The following PRAG1 variants were observed in gnomAD, a reference collection of about 807,000 sequenced individuals.
PRAG1 encodes inactive tyrosine-protein kinase PRAG1.
A neutral mutation model predicts 95.6 loss-of-function variants in PRAG1; 110 were observed. The observed-to-expected ratio is 1.15, with a 90% CI of 0.99 to 1.35. The LOEUF (loss-of-function observed/expected upper bound fraction) is 1.35. Among genes scored for constraint, PRAG1 ranks in the 40% most tolerant of loss-of-function variants. The probability of loss-of-function intolerance (pLI) is 0.00; values close to 1 mark genes in which losing one functional copy is unlikely to be tolerated. For synonymous variants in PRAG1, 1,052 were observed against 819.4 expected (o/e 1.28, Z -4.85); for missense variants, 2,554 against 1,864.7 (o/e 1.37, Z -6.81).
At position 8,376,696 on chromosome 8, in the gene PRAG1, A is replaced by T. The variant is rs1237976886; in HGVS notation, c.1713T>A (p.Ala571=). ...SAGGPPVSPL[A]DLSDGSSGGS... Reference sequence around the variant, plus strand: ...CGCCAGAGCTCCCATCACTAAGGTCAGCCAGCGGTGACACTGGGGGCCCTC... The same window carrying T: ...CGCCAGAGCTCCCATCACTAAGGTCTGCCAGCGGTGACACTGGGGGCCCTC... Residue 571 remains alanine (A), a synonymous_variant, in exon 3 of 6, where the codon GCT becomes GCA. Transcript: ENST00000615670. 3.1e-6 allele frequency: 5 copies of T among 1,611,540 alleles called. No individual in the cohort carries two copies. The East Asian group carries it at 1.1e-4, about 36-fold the overall frequency.
chr8:8,373,280 C>T (rs1261611944), intron 3 of PRAG1, among the ~76,000 whole-genome samples: 1 of 152,160 alleles, frequency 6.6e-6, no homozygotes, highest in Non-Finnish European at 1.5e-5. Context: ...TAAAAGTCAG[C>T]ATATGTTCCC....
chr8:8,335,376 G>T (rs1798953456), intron 4 of PRAG1, among the ~76,000 whole-genome samples: 1 of 152,044 alleles, frequency 6.6e-6, no homozygotes, highest in Admixed American at 6.6e-5. Context: ...CATTTGAAAG[G>T]CCCCAAGATA....
chr8:8,371,391 G>A (rs1040633403), intron 3 of PRAG1, among the ~76,000 whole-genome samples: 2 of 151,780 alleles, frequency 1.3e-5, no homozygotes, highest in Non-Finnish European at 2.9e-5. Flanking sequence ...CTCCCGAGTA[G>A]CTGGGACTAC....
intron 3 of PRAG1, among the ~76,000 whole-genome samples, chr8:8,353,869 G>A (rs576662855): frequency 9.2e-5 from 14 of 151,876 alleles, no homozygotes; most frequent in Non-Finnish European, 2.1e-4. Context: ...TAGTAGTAGT[G>A]GTAGTAGTAG....
In PRAG1 at chr8:8,328,363, T is replaced by C; in HGVS notation, c.2419A>G (p.Ser807Gly). Residue 807 changes from serine (S) to glycine (G), a missense_variant, in exon 5 of 6, where the codon AGT (serine) becomes GGT (glycine). By Grantham distance (56) the Ser-to-Gly change is moderately conservative. Transcript: ENST00000615670. Reference protein sequence around the residue: ...PSGSTEDVSPSGPQQPPPLPQ... With the variant: ...PSGSTEDVSPGGPQQPPPLPQ... ...AGTGGAGGGGGCTGCTGGGGGCCAC[T>C]GGGGGACACGTCCTCAGTGGAGCCT... The C allele has an allele frequency of 6.2e-7, 1 of 1,607,264 alleles. No homozygotes were observed. The highest frequency in any genetic ancestry group is 8.5e-7 in the Non-Finnish European group (1 of 1,175,796).
Position 8,376,588 on chromosome 8 carries a change from A to C in PRAG1, c.1821T>G (p.Ser607Arg). ...CAGGCTGGGGACACCTGGATGGGTC[A>C]CTGATAGCGACACCGTTGGTCCGGC... Reference protein sequence around the residue: ...PSCRTNGVAISDPSRCPQPAA... With the variant: ...PSCRTNGVAIRDPSRCPQPAA... The change falls in exon 3 of 6, where the codon AGT (serine) becomes AGG (arginine). Residue 607 changes from serine to arginine, a missense_variant. Physicochemically the swap from Ser to Arg is moderately radical, Grantham distance 110. Transcript: ENST00000615670. 6.2e-7 allele frequency: 1 copy of C among 1,604,632 alleles called. No individual in the cohort carries two copies. Among genetic ancestry groups the C allele is most frequent in the South Asian group, 1.1e-5 (1 of 89,924 alleles).
intron 3 of PRAG1, among the ~76,000 whole-genome samples, chr8:8,370,140 T>C (rs1800144278): frequency 1.3e-5 from 2 of 152,252 alleles, no homozygotes; most frequent in Non-Finnish European, 2.9e-5. Context: ...TACATACTGC[T>C]GTCAAATCAG....
intron 4 of PRAG1, among the ~76,000 whole-genome samples, chr8:8,334,289 T>G (rs1317200294): frequency 1.3e-5 from 2 of 151,852 alleles, no homozygotes; most frequent in South Asian, 2.1e-4. Flanking sequence ...ATACAAAAAT[T>G]AGCTGGGCAT....
intron 3 of PRAG1, among the ~76,000 whole-genome samples, chr8:8,354,710 A>G (rs1799632377): frequency 6.6e-6 from 1 of 152,224 alleles, no homozygotes; most frequent in Non-Finnish European, 1.5e-5. Flanking sequence ...AAAGCATTTG[A>G]CAAGGTACAG....
chr8:8,352,776 T>A (rs965559601), intron 3 of PRAG1, among the ~76,000 whole-genome samples: 1 of 152,232 alleles, frequency 6.6e-6, no homozygotes, highest in African/African-American at 2.4e-5. Flanking sequence ...TTGTTTTATA[T>A]CTTGAGTTTT....
intron 3 of PRAG1, among the ~76,000 whole-genome samples, chr8:8,363,802 A>T (rs1453512919): frequency 6.6e-6 from 1 of 152,204 alleles, no homozygotes; most frequent in East Asian, 1.9e-4. Flanking sequence ...AAACAGACAT[A>T]GTGTTATTTT....
At position 8,377,963 on chromosome 8, in the gene PRAG1, G is replaced by C. The variant is rs1800487415; in HGVS notation, c.446C>G (p.Pro149Arg). 2.5e-6 allele frequency: 4 copies of C among 1,613,794 alleles called. No homozygotes were observed. The highest frequency in any genetic ancestry group is 2.2e-5 in the East Asian group (1 of 44,880). Reference sequence around the variant, plus strand: ...TGGGGGACAGCGAGAATTGCCATCAGGGGAGGTAGAGGGACCAGCAGGCTT... The same window carrying C: ...TGGGGGACAGCGAGAATTGCCATCACGGGAGGTAGAGGGACCAGCAGGCTT... Reference protein sequence around the residue: ...VQKPAGPSTSPDGNSRCPPAY... With the variant: ...VQKPAGPSTSRDGNSRCPPAY... The change falls in exon 3 of 6, where the codon CCT (proline) becomes CGT (arginine). Residue 149 changes from proline (P) to arginine (R), a missense_variant. Physicochemically the swap from Pro to Arg is moderately radical, Grantham distance 103. Coordinates refer to ENST00000615670, the MANE Select transcript of PRAG1 (RefSeq NM_001080826.3).
intron 5 of PRAG1, among the ~76,000 whole-genome samples, chr8:8,326,146 G>C (rs1798631437): frequency 6.8e-6 from 1 of 146,440 alleles, no homozygotes; most frequent in Non-Finnish European, 1.5e-5. Context: ...ATAATATTCA[G>C]TATATATAAA....
chr8:8,338,921 T>G (rs1224042757), intron 4 of PRAG1, among the ~76,000 whole-genome samples: 1 of 152,176 alleles, frequency 6.6e-6, no homozygotes, highest in East Asian at 1.9e-4. Flanking sequence ...CAAGAGTTCC[T>G]TTTTAGGGAC....
chr8:8,345,086 TG>T, intron 3 of PRAG1, among the ~76,000 whole-genome samples: 1 of 150,170 alleles, frequency 6.7e-6, no homozygotes, highest in Admixed American at 6.6e-5. Flanking sequence ...TGTGTGTGTG[TG>T]TGTGTTAGGG....
Position 8,381,665 on chromosome 8 carries a change from C to A in PRAG1, c.83G>T (p.Gly28Val), listed in dbSNP as rs1800676187. The A allele has an allele frequency of 6.2e-7, 1 of 1,613,640 alleles. No homozygotes were observed. The highest frequency in any genetic ancestry group is 8.5e-7 in the Non-Finnish European group (1 of 1,179,788). ...SDFVEHIWKP[G>V]SCKNCFCLRS... is the part of the protein sequence containing the mutation. The stretch of plus-strand genomic sequence containing the variant: ...CAGGCAGAAGCAGTTCTTGCAGGAC[C>A]CGGGTTTCCAGATGTGCTCCACAAA... The change falls in exon 2 of 6, where the codon GGG becomes GTG. Residue 28 changes from glycine to valine, a missense_variant. Physicochemically the swap from Gly to Val is moderately radical, Grantham distance 109 (BLOSUM62 -3). Coordinates refer to ENST00000615670, the MANE Select transcript of PRAG1 (RefSeq NM_001080826.3).
In PRAG1 at chr8:8,318,759, C is replaced by T. The variant is rs1464306159; in HGVS notation, c.3616G>A (p.Glu1206Lys). 18 of 1,585,900 alleles carry T rather than the reference C, an allele frequency of 1.1e-5. No homozygotes were observed. The highest frequency in any genetic ancestry group is 1.3e-5 in the Non-Finnish European group (15 of 1,165,464). The change falls in exon 6 of 6, where the codon GAG becomes AAG. Residue 1206 changes from glutamate to lysine, a missense_variant. By Grantham distance (56) the Glu-to-Lys change is moderately conservative. Coordinates refer to ENST00000615670, the MANE Select transcript of PRAG1 (RefSeq NM_001080826.3). This position sits in a 1 kb window ranked among gnomAD's most constrained non-coding sequence, Gnocchi z 4.2. The part of the protein sequence containing the change: ...AGPASPEGPR[E>K]KQLPRLIISN... ...ATGATGAGCCGGGGCAGCTGCTTCT[C>T]CCGGGGCCCTTCCGGGGAGGCGGGG...
intron 3 of PRAG1, among the ~76,000 whole-genome samples, chr8:8,369,484 T>G (rs1217763894): frequency 6.6e-6 from 1 of 152,170 alleles, no homozygotes; most frequent in Non-Finnish European, 1.5e-5. Flanking sequence ...CTTCAACATT[T>G]CTTGAGCACC....
intron 5 of PRAG1, among the ~76,000 whole-genome samples, chr8:8,324,983 G>C (rs1361143732): frequency 6.6e-6 from 1 of 152,198 alleles, no homozygotes; most frequent in Admixed American, 6.5e-5. Context: ...AGGAGCAGGT[G>C]TGAGCCTGCT....
Sources: gnomAD v4.1 joint callset for allele counts (sites outside exome capture counted in the v4.1 genomes callset) on GRCh38, gnomAD v4.1.1 for gene constraint, Gnocchi (gnomAD v3.1) non-coding constraint, MANE v1.5 for transcripts, NCBI Gene and HGNC (gene_info 2026-07-23, HGNC 2026-07-21) for gene names.